Variants in TEAD1 observed in about 807,000 individuals in gnomAD.
TEAD1 encodes the protein TEA domain transcription factor 1, also known as transcriptional enhancer factor TEF-1.
Under a neutral mutation model 54.9 loss-of-function variants are expected in TEAD1, and 9 were observed. That is an observed-to-expected ratio of 0.16 (90% CI 0.10 to 0.29). The LOEUF is 0.29. TEAD1 is among the 10% of genes least tolerant of loss of function. The probability of loss-of-function intolerance (pLI) is 1.00; values close to 1 mark genes in which losing one functional copy is unlikely to be tolerated. For synonymous variants in TEAD1, 200 were observed against 187.8 expected (o/e 1.07, Z -0.53); for missense variants, 387 against 535.9 (o/e 0.72, Z 2.74).
chr11:12,920,395 T>G (rs1948783009), intron 10 of TEAD1, among the ~76,000 whole-genome samples: 1 of 152,198 alleles, frequency 6.6e-6, no homozygotes, highest in Non-Finnish European at 1.5e-5. Flanking sequence ...TTGACAGTTT[T>G]TAAAAACAAT....
intron 3 of TEAD1, among the ~76,000 whole-genome samples, chr11:12,844,750 G>A (rs191039958): frequency 2.0e-5 from 3 of 152,134 alleles, no homozygotes; most frequent in East Asian, 1.9e-4. Context: ...AAAGCCAGCC[G>A]GCTGGCCCTT....
At chr11:12,895,638 A>G (rs1426633905) in intron 9 of TEAD1, among the ~76,000 whole-genome samples, 1 of 152,166 alleles carries the variant, frequency 6.6e-6, no homozygotes, top group Non-Finnish European at 1.5e-5. Context: ...TAATCTTTCA[A>G]GATAGTTTTT....
At chr11:12,765,347 G>C (rs1025374453) in intron 3 of TEAD1, among the ~76,000 whole-genome samples, 2 of 152,106 alleles carry the variant, frequency 1.3e-5, no homozygotes, top group African/African-American at 4.8e-5. Context: ...TTGTCTAATT[G>C]AGCACGTTGA....
chr11:12,759,560 C>G (rs1945059482), intron 2 of TEAD1, among the ~76,000 whole-genome samples: 1 of 152,152 alleles, frequency 6.6e-6, no homozygotes, highest in Admixed American at 6.5e-5. Flanking sequence ...ACAAAGTATA[C>G]ATATTTTTAA....
At chr11:12,795,021 G>A (rs1224426196) in intron 3 of TEAD1, among the ~76,000 whole-genome samples, 1 of 152,180 alleles carries the variant, frequency 6.6e-6, no homozygotes, top group Non-Finnish European at 1.5e-5. Context: ...TAACACAATA[G>A]TGTAAACTAG....
chr11:12,756,821 G>C (rs1944991183), intron 2 of TEAD1, among the ~76,000 whole-genome samples: 1 of 152,212 alleles, frequency 6.6e-6, no homozygotes, highest in Non-Finnish European at 1.5e-5. Context: ...ACTAAAGGGG[G>C]AAGTGCAGCG....
rs1564990893 is a variant in TEAD1, at chr11:12,920,439, T to TA, written c.874-4472dup. Among the ~76,000 whole-genome samples the TA allele has an allele frequency of 1.1e-4, 16 of 152,288 alleles. No homozygotes were observed. In the South Asian group the frequency reaches 2.9e-3, roughly 28 times the overall value. ...TCTCCCAGTGACCCACCTGCCCCCA[T>TA]ACACAATTGCTTATTTCACTGTGTT... On this transcript the variant is annotated intron_variant, in intron 10 of 12. Coordinates refer to ENST00000527636, the MANE Select transcript of TEAD1 (RefSeq NM_021961.6).
rs533965718 is a variant in TEAD1, at chr11:12,903,270, T to G, written c.873+1157T>G. On this transcript the variant is annotated intron_variant, in intron 10 of 12. Coordinates refer to ENST00000527636, the MANE Select transcript of TEAD1 (RefSeq NM_021961.6). ...CTGTGTGACTTTAATGCCTCTGCTC[T>G]GTTTCCTCGTTGCATAATCCCTTGT... Among the ~76,000 whole-genome samples the G allele has an allele frequency of 1.6e-4, 24 of 152,330 alleles. No individual in the cohort carries two copies. The South Asian group carries it at 5.0e-3, about 32-fold the overall frequency.
rs945411139 is a variant in TEAD1, at chr11:12,739,270, A to G, written c.-54-24909A>G. Among the ~76,000 whole-genome samples the G allele has an allele frequency of 2.6e-5, 4 of 152,218 alleles. No homozygotes were observed. In the South Asian group the frequency reaches 8.3e-4, roughly 32 times the overall value. On this transcript the variant is annotated intron_variant, in intron 2 of 12. Transcript: ENST00000527636. ...AGTCATCTATCTCTGTCATCTATCT[A>G]CAATCTTTTTAATTGTGATAAAGTA...
At position 12,762,527 on chromosome 11, in the gene TEAD1, A is replaced by G. The variant is rs576853908; in HGVS notation, c.-54-1652A>G. ...TTTTGAAAGTCCTGTGTAAATGTAC[A>G]TATGTTGGTAAGAGGTAGTAAATAT... On this transcript the variant is annotated intron_variant, in intron 2 of 12. Coordinates refer to ENST00000527636, the MANE Select transcript of TEAD1 (RefSeq NM_021961.6). Among the ~76,000 whole-genome samples, 89 of 152,316 alleles carry G rather than the reference A, an allele frequency of 5.8e-4. 1 individual carries two copies. Among genetic ancestry groups the G allele is most frequent in the East Asian group, 1.7e-3 (9 of 5,190 alleles).
intron 2 of TEAD1, among the ~76,000 whole-genome samples, chr11:12,743,105 G>A (rs1371252307): frequency 6.6e-6 from 1 of 152,148 alleles, no homozygotes; most frequent in African/African-American, 2.4e-5. Context: ...TCTTGCCTTG[G>A]CATCCCTGAT....
rs60042137 is a variant in TEAD1, at chr11:12,908,883, G to GTTTTTTTTTTTTTTTT, written c.873+6783_873+6784insTTTTTTTTTTTTTTTT. Reference sequence around the variant, plus strand: ...TATGTCAGTATACTTCAAATTATCTGTTTTTTTTTTTTTGAGACAGTGTTG... The same window carrying GTTTTTTTTTTTTTTTT: ...TATGTCAGTATACTTCAAATTATCTGTTTTTTTTTTTTTTTTTTTTTTTTTTTTTGAGACAGTGTTG... On this transcript the variant is annotated intron_variant, in intron 10 of 12. Coordinates refer to ENST00000527636, the MANE Select transcript of TEAD1 (RefSeq NM_021961.6). Among the ~76,000 whole-genome samples the GTTTTTTTTTTTTTTTT allele has an allele frequency of 8.1e-4, 81 of 99,636 alleles. 5 individuals are homozygous for GTTTTTTTTTTTTTTTT. Among genetic ancestry groups the GTTTTTTTTTTTTTTTT allele is most frequent in the African/African-American group, 2.6e-3 (80 of 31,356 alleles). The allele number at this position is 99,636 out of a possible 152,430, so 65.4% of individuals were successfully genotyped here. A position where few individuals can be genotyped will look rare whatever the true frequency, so the allele number is the denominator to read the frequency against.
At chr11:12,837,751 C>CTTCTTCCTCTTCTTCTTCCTT (rs1946931807) in intron 3 of TEAD1, among the ~76,000 whole-genome samples, 1 of 136,916 alleles carries the variant, frequency 7.3e-6, no homozygotes, top group African/African-American at 3.3e-5. Context: ...TCTTCTTCCT[C>CTTCTTCCTCTTCTTCTTCCTT]CTCTTCCTCT....
At chr11:12,681,916 G>A (rs936196387) in intron 2 of TEAD1, among the ~76,000 whole-genome samples, 1 of 152,214 alleles carries the variant, frequency 6.6e-6, no homozygotes, top group African/African-American at 2.4e-5. Context: ...GCCTCTTTCT[G>A]TTCCTGCTCC....
intron 2 of TEAD1, among the ~76,000 whole-genome samples, chr11:12,721,206 A>G (rs1944189421): frequency 6.6e-6 from 1 of 152,154 alleles, no homozygotes; most frequent in African/African-American, 2.4e-5. Context: ...TGAGTGTAGA[A>G]GCACCTGGCT....
chr11:12,927,403 A>G (rs780650455), intron 11 of TEAD1, among the ~76,000 whole-genome samples: 2 of 152,096 alleles, frequency 1.3e-5, no homozygotes, highest in African/African-American at 2.4e-5. Flanking sequence ...TCCACCCACT[A>G]TTTGTGTCTA....
chr11:12,811,641 CTG>C lies in TEAD1; in HGVS notation c.202+47208_202+47209del, dbSNP rs545326280. On this transcript the variant is annotated intron_variant, in intron 3 of 12. Transcript: ENST00000527636. The stretch of plus-strand genomic sequence containing the variant: ...GGCTGGAGAGGGGCGTCTGTGGTCT[CTG>C]GGGCAAGGCAGCTTGAGGTGGGACC... Among the ~76,000 whole-genome samples the C allele has an allele frequency of 1.6e-4, 25 of 152,214 alleles. 1 individual carries two copies. The South Asian group carries it at 5.2e-3, about 32-fold the overall frequency.
At chr11:12,934,531 T>TA (rs1419493738) in intron 12 of TEAD1, among the ~76,000 whole-genome samples, 7 of 150,336 alleles carry the variant, frequency 4.7e-5, no homozygotes, top group Admixed American at 4.6e-4. Flanking sequence ...CCCTAAAACT[T>TA]AAAGTATAAT....
chr11:12,866,084 G>T (rs1718534068), intron 5 of TEAD1, among the ~76,000 whole-genome samples: 1 of 152,164 alleles, frequency 6.6e-6, no homozygotes, highest in Non-Finnish European at 1.5e-5. Context: ...CAGCATGCTG[G>T]CTCGCTCGCA....
Sources: allele counts gnomAD v4.1 joint callset (sites outside exome capture counted in the v4.1 genomes callset), GRCh38; gene constraint gnomAD v4.1.1; transcripts MANE v1.5; gene names NCBI Gene and HGNC (gene_info 2026-07-23, HGNC 2026-07-21).